LRP8: variants seen among roughly 807,000 people sequenced by gnomAD.
LRP8 encodes low-density lipoprotein receptor-related protein 8.
LRP8 carries 46 observed loss-of-function variants against 111.6 expected under a neutral mutation model. That is an observed-to-expected ratio of 0.41 (90% CI 0.33 to 0.53). The LOEUF (loss-of-function observed/expected upper bound fraction) is 0.53. Among genes scored for constraint, LRP8 ranks in the 20% least tolerant of loss-of-function variants. The pLI, the probability that LRP8 is intolerant of heterozygous loss-of-function variation, is 0.20. For missense variants in LRP8, 959 were observed against 1,297.4 expected, an observed-to-expected ratio of 0.74 and a Z score of 4.01; for synonymous variants, 464 against 511.2, an observed-to-expected ratio of 0.91 and a Z score of 1.24.
chr1:53,248,910 TGTTA>T (rs780234506), intron 18 of LRP8, among the ~76,000 whole-genome samples: 1 of 152,260 alleles, frequency 6.6e-6, no homozygotes, highest in Non-Finnish European at 1.5e-5. Context: ...GAATGGGGGT[TGTTA>T]TTCTCATTTT....
chr1:53,250,561 A>T lies in LRP8; in HGVS notation c.2676+129T>A, dbSNP rs545914375. 13 of 733,910 alleles carry T rather than the reference A, an allele frequency of 1.8e-5. No individual in the cohort carries two copies. Among genetic ancestry groups the T allele is most frequent in the Non-Finnish European group, 2.9e-5 (13 of 445,162 alleles). 45.5% of individuals were successfully genotyped at this position (733,910 alleles called of 1,614,324 possible). On this transcript the variant is annotated intron_variant, in intron 17 of 18. Coordinates refer to ENST00000306052, the MANE Select transcript of LRP8 (RefSeq NM_004631.5). This position sits in a 1 kb window ranked among gnomAD's most constrained non-coding sequence, Gnocchi z 4.6. ...AGGGAGGGAAGGACGGAAGGAAAGG[A>T]GGGAGGGAAGGACGGAAGGAAGGAA... is the stretch of plus-strand genomic sequence containing the variant.
chr1:53,297,140 A>G (rs1263625599), intron 2 of LRP8, among the ~76,000 whole-genome samples: 6 of 152,162 alleles, frequency 3.9e-5, no homozygotes, highest in Non-Finnish European at 8.8e-5. Context: ...TGGGTCCATT[A>G]TAACATTGCA....
At chr1:53,280,027 C>T (rs1254284858) in intron 4 of LRP8, among the ~76,000 whole-genome samples, 1 of 152,200 alleles carries the variant, frequency 6.6e-6, no homozygotes, top group East Asian at 1.9e-4. Flanking sequence ...CCATCTGTCC[C>T]TGCCGAGGCT....
At chr1:53,252,775 C>T (rs1460694778) in intron 16 of LRP8, among the ~76,000 whole-genome samples, 1 of 152,088 alleles carries the variant, frequency 6.6e-6, no homozygotes, top group Non-Finnish European at 1.5e-5. Context: ...ATATCTAAAA[C>T]AATCTTGATA....
chr1:53,310,893 C>T (rs551034151), intron 2 of LRP8, among the ~76,000 whole-genome samples: 158 of 152,262 alleles, frequency 1.0e-3, no homozygotes, highest in Non-Finnish European at 1.6e-3. Context: ...GCCAGTCCTG[C>T]CTGAAGAAAG....
At chr1:53,325,013 A>C (rs538178748) in intron 2 of LRP8, among the ~76,000 whole-genome samples, 8 of 152,376 alleles carry the variant, frequency 5.3e-5, no homozygotes, top group Non-Finnish European at 1.0e-4. Flanking sequence ...CATCCTCACA[A>C]GGACAGTTGT....
rs1037177095 is a variant in LRP8, at chr1:53,242,898, A to G, written c.*4120T>C. ...GTGGCTTTTTAAAAATTACTTTTTT[A>G]TAGCACAAAGTGTTTGTAAATGCAG... On this transcript the variant is annotated 3_prime_UTR_variant, in exon 19 of 19. Coordinates refer to ENST00000306052, the MANE Select transcript of LRP8 (RefSeq NM_004631.5). 1 of 151,462 alleles carries G rather than the reference A, an allele frequency of 6.6e-6. No homozygotes were observed. Among genetic ancestry groups the G allele is most frequent in the African/African-American group, 2.4e-5 (1 of 41,274 alleles). The allele number at this position is 151,462 out of a possible 1,614,324, so 9.4% of individuals were successfully genotyped here. A position where few individuals can be genotyped will look rare whatever the true frequency, so the allele number is the denominator to read the frequency against.
Position 53,327,835 on chromosome 1 carries a change from G to A in LRP8, c.78C>T (p.Leu26=), listed in dbSNP as rs1655371925. The A allele has an allele frequency of 2.0e-6, 3 of 1,511,498 alleles. No homozygotes were observed. Among genetic ancestry groups the A allele is most frequent in the South Asian group, 2.4e-5 (2 of 81,890 alleles). 93.6% of individuals were successfully genotyped at this position (1,511,498 alleles called of 1,614,324 possible). A position where few individuals can be genotyped will look rare whatever the true frequency, so the allele number is the denominator to read the frequency against. The change falls in exon 1 of 19, where the codon CTC becomes CTT. Residue 26 remains leucine (L), a synonymous_variant. Coordinates refer to ENST00000306052, the MANE Select transcript of LRP8 (RefSeq NM_004631.5). ...LLLLLLLLLQ[L]QHLAAAAADP... ...CAGCCGCTGCCGCCGCAAGATGCTG[G>A]AGCTGCAGCAGCAGCAGCAGCAGCA...
intron 2 of LRP8, among the ~76,000 whole-genome samples, chr1:53,311,667 T>C (rs2788035): frequency 0.035 from 5,313 of 151,386 alleles, 110 homozygotes; most frequent in East Asian, 0.087. Flanking sequence ...TGCCTTCTCT[T>C]CCATCTGTCT....
Position 53,282,315 on chromosome 1 carries a change from A to G in LRP8, c.368-1600T>C, listed in dbSNP as rs80032352. On this transcript the variant is annotated intron_variant, in intron 3 of 18. Coordinates refer to ENST00000306052, the MANE Select transcript of LRP8 (RefSeq NM_004631.5). ...CCCTTGGGAATACAGGATTCCTGGT[A>G]TTCATTTCACAGAAATTTCCCTTGC... Among the ~76,000 whole-genome samples, 762 of 152,322 alleles carry G rather than the reference A, an allele frequency of 5.0e-3. 8 individuals are homozygous for G. The highest frequency in any genetic ancestry group is 0.018 in the African/African-American group (732 of 41,564).
rs907323069 is a variant in LRP8, at chr1:53,289,709, G to A, written c.245-20C>T. On this transcript the variant is annotated intron_variant, in intron 2 of 18. Coordinates refer to ENST00000306052, the MANE Select transcript of LRP8 (RefSeq NM_004631.5). The stretch of plus-strand genomic sequence containing the variant: ...TCTTGGCTGCAGGGCAAGGAAGAGA[G>A]CGTGGTGAGCCTGGGAGCAGTCAGG... 1.2e-6 allele frequency: 2 copies of A among 1,613,154 alleles called. No homozygotes were observed. The highest frequency in any genetic ancestry group is 1.7e-5 in the Admixed American group (1 of 60,004).
Position 53,279,276 on chromosome 1 carries a change from G to A in LRP8, c.496+1311C>T, listed in dbSNP as rs1319895546. The stretch of plus-strand genomic sequence containing the variant: ...TCTGCCTAGGAGGGTGGAAGCTATA[G>A]CATAGAAGCCCAGTAAGACCTTCTG... On this transcript the variant is annotated intron_variant, in intron 4 of 18. Coordinates refer to ENST00000306052, the MANE Select transcript of LRP8 (RefSeq NM_004631.5). The surrounding 1 kb of genome is among the most constrained non-coding windows in gnomAD (Gnocchi z 4.4). Among the ~76,000 whole-genome samples, 3 of 152,152 alleles carry A rather than the reference G, an allele frequency of 2.0e-5. No individual in the cohort carries two copies. The highest frequency in any genetic ancestry group is 3.9e-4 in the East Asian group (2 of 5,188).
intron 4 of LRP8, among the ~76,000 whole-genome samples, chr1:53,278,664 A>T (rs1178425975): frequency 6.6e-6 from 1 of 151,650 alleles, no homozygotes; most frequent in Non-Finnish European, 1.5e-5. Context: ...GCTGACACCT[A>T]GATGAGCTCC....
chr1:53,279,745 G>A lies in LRP8; in HGVS notation c.496+842C>T, dbSNP rs1019715135. On this transcript the variant is annotated intron_variant, in intron 4 of 18. Transcript: ENST00000306052. The surrounding 1 kb of genome is among the most constrained non-coding windows in gnomAD (Gnocchi z 4.4). The stretch of plus-strand genomic sequence containing the variant: ...GGCAAGCCCTCCAGGGTGACCGCCC[G>A]TATTTCAGCCCAGCCGCACAGCCTA... Among the ~76,000 whole-genome samples the A allele has an allele frequency of 7.2e-5, 11 of 152,178 alleles. No homozygotes were observed. The highest frequency in any genetic ancestry group is 2.1e-4 in the South Asian group (1 of 4,832).
intron 16 of LRP8, among the ~76,000 whole-genome samples, chr1:53,253,628 A>G (rs1423627335): frequency 6.6e-6 from 1 of 152,192 alleles, no homozygotes; most frequent in Non-Finnish European, 1.5e-5. Context: ...GCCTCTTTCT[A>G]TAGGGCAAAG....
rs756660775 is a variant in LRP8 at position 53,260,534 on chromosome 1, G to C, written c.1986C>G (p.Ile662Met). 11 of 1,614,174 alleles carry C rather than the reference G, an allele frequency of 6.8e-6. No individual in the cohort carries two copies. The highest frequency in any genetic ancestry group is 9.3e-6 in the Non-Finnish European group (11 of 1,180,008). ...FSANRLNGLE[I>M]SILAENLNNP... The stretch of plus-strand genomic sequence containing the variant: ...TGTTGAGGTTCTCAGCCAGGATGGA[G>C]ATTTCCAGGCCATTGAGCCGATTTG... The change falls in exon 13 of 19, where the codon ATC becomes ATG. Residue 662 changes from isoleucine (I) to methionine (M), a missense_variant. Ile to Met is a conservative substitution (Grantham distance 10, BLOSUM62 1). This residue lies in a region of LRP8 where 819 missense variants were observed against 1,097.6 expected (regional missense o/e 0.75). Coordinates refer to ENST00000306052, the MANE Select transcript of LRP8 (RefSeq NM_004631.5).
intron 2 of LRP8, among the ~76,000 whole-genome samples, chr1:53,309,490 A>G (rs921005824): frequency 6.6e-6 from 1 of 152,154 alleles, no homozygotes; most frequent in Non-Finnish European, 1.5e-5. Context: ...TCCAGCCCAC[A>G]TGCTGTGTGA....
In LRP8 at chr1:53,303,944, C is replaced by T. The variant is rs1366726342; in HGVS notation, c.245-14255G>A. On this transcript the variant is annotated intron_variant, in intron 2 of 18. Transcript: ENST00000306052. The surrounding 1 kb of genome is among the most constrained non-coding windows in gnomAD (Gnocchi z 4.3). ...CCACTTTGTACAAATGGATTTTTCA[C>T]CCCTCCTTGTTCTTTGGCTCGGTCA... Among the ~76,000 whole-genome samples the T allele has an allele frequency of 2.0e-5, 3 of 152,178 alleles. No homozygotes were observed. Among genetic ancestry groups the T allele is most frequent in the Non-Finnish European group, 4.4e-5 (3 of 68,034 alleles).
intron 2 of LRP8, among the ~76,000 whole-genome samples, chr1:53,290,292 A>AATT (rs1488176528): frequency 2.4e-5 from 3 of 125,256 alleles, no homozygotes; most frequent in African/African-American, 1.3e-4. Flanking sequence ...TCTCAATCCC[A>AATT]CTTCCTCCTC....
Sources: allele counts gnomAD v4.1 joint callset (sites outside exome capture counted in the v4.1 genomes callset), GRCh38; gene constraint gnomAD v4.1.1; regional missense constraint gnomAD v4.1.1; non-coding constraint Gnocchi (gnomAD v3.1); transcripts MANE v1.5; gene names NCBI Gene and HGNC (gene_info 2026-07-23, HGNC 2026-07-21).